FBXO28: variants seen among roughly 807,000 people sequenced by gnomAD.
FBXO28 encodes the protein F-box protein 28.
A neutral mutation model predicts 38.1 loss-of-function variants in FBXO28; 8 were observed. That is an observed-to-expected ratio of 0.21 (90% confidence interval 0.12 to 0.38). FBXO28 has a LOEUF of 0.38. FBXO28 is among the 10% of genes least tolerant of loss of function. FBXO28 has a pLI of 1.00. For synonymous variants in FBXO28, 168 were observed against 173.8 expected (o/e 0.97, Z 0.26); for missense variants, 345 against 460.6 (o/e 0.75, Z 2.30).
intron 3 of FBXO28, among the ~76,000 whole-genome samples, chr1:224,143,300 A>G (rs1002427670): frequency 1.3e-5 from 2 of 152,018 alleles, no homozygotes; most frequent in East Asian, 3.9e-4. Flanking sequence ...TGCATTCTCC[A>G]TATATCTGCA....
rs549587648 is a variant in FBXO28, at chr1:224,142,752, C to T, written c.516+8540C>T. Among the ~76,000 whole-genome samples, 6 of 152,144 alleles carry T rather than the reference C, an allele frequency of 3.9e-5. No individual in the cohort carries two copies. In the South Asian group the frequency reaches 1.0e-3, roughly 26 times the overall value. On this transcript the variant is annotated intron_variant, in intron 3 of 4. Coordinates refer to ENST00000366862, the MANE Select transcript of FBXO28 (RefSeq NM_015176.4). ...ATTGCCTGTGCTTAAGAGTTTGAAC[C>T]GGCCTGGGCAACATGGTGAAACCCT...
At chr1:224,114,627 C>A (rs1289134717) in intron 1 of FBXO28, among the ~76,000 whole-genome samples, 1 of 71,190 alleles carries the variant, frequency 1.4e-5, no homozygotes. Flanking sequence ...GGGGACTTCG[C>A]CTTGGGGGCT....
In FBXO28 at chr1:224,130,427, C is replaced by G. The variant is rs745355606; in HGVS notation, c.268-45C>G. On this transcript the variant is annotated intron_variant, in intron 1 of 4. Coordinates refer to ENST00000366862, the MANE Select transcript of FBXO28 (RefSeq NM_015176.4). ...CATCAGTTATGAGTCTCAGTTGTCTCTTATTAATTTGGTTATTGATTTTTG... is the reference window on the plus strand; with the variant it reads ...CATCAGTTATGAGTCTCAGTTGTCTGTTATTAATTTGGTTATTGATTTTTG... 4 of 1,279,460 alleles carry G rather than the reference C, an allele frequency of 3.1e-6. No individual in the cohort carries two copies. In the Admixed American group the frequency reaches 5.5e-5, roughly 17 times the overall value. The allele number at this position is 1,279,460 out of a possible 1,614,324, so 79.3% of individuals were successfully genotyped here.
Position 224,158,285 on chromosome 1 carries a change from A to G in FBXO28, c.*539A>G, listed in dbSNP as rs574118048. ...GGTAACTAAAATGGACTTCCATAGT[A>G]TTGACTGTAGAAGGAGCCTCTACAA... On this transcript the variant is annotated 3_prime_UTR_variant, in exon 5 of 5. Transcript: ENST00000366862. The G allele has an allele frequency of 1.3e-4, 118 of 903,786 alleles. No individual in the cohort carries two copies. In the African/African-American group the frequency reaches 2.1e-3, roughly 16 times the overall value. The allele number at this position is 903,786 out of a possible 1,614,324, so 56.0% of individuals were successfully genotyped here. A position where few individuals can be genotyped will look rare whatever the true frequency, so the allele number is the denominator to read the frequency against.
chr1:224,149,246 T>A (rs193013903), intron 3 of FBXO28, among the ~76,000 whole-genome samples: 4 of 151,238 alleles, frequency 2.6e-5, no homozygotes, highest in Admixed American at 6.7e-5. Flanking sequence ...CAAAACATAA[T>A]CATCTGACTT....
At position 224,159,363 on chromosome 1, in the gene FBXO28, T is replaced by C. The variant is rs1181107605; in HGVS notation, c.*1617T>C. 1.3e-5 allele frequency: 2 copies of C among 152,580 alleles called. No homozygotes were observed. Among genetic ancestry groups the C allele is most frequent in the African/African-American group, 4.8e-5 (2 of 41,420 alleles). The allele number at this position is 152,580 out of a possible 1,614,324, so 9.5% of individuals were successfully genotyped here. A position where few individuals can be genotyped will look rare whatever the true frequency, so the allele number is the denominator to read the frequency against. On this transcript the variant is annotated 3_prime_UTR_variant, in exon 5 of 5. Transcript: ENST00000366862. The stretch of plus-strand genomic sequence containing the variant: ...ATTAACCTCACCAAATGAAGCTTTT[T>C]CTATCCATTTTTAATATTGTCCTTA...
At chr1:224,146,016 A>G (rs1261284597) in intron 3 of FBXO28, among the ~76,000 whole-genome samples, 2 of 150,024 alleles carry the variant, frequency 1.3e-5, no homozygotes, top group Non-Finnish European at 3.0e-5. Flanking sequence ...CGGTGAGCTG[A>G]GATTGTGGCA....
intron 1 of FBXO28, among the ~76,000 whole-genome samples, chr1:224,125,134 G>A (rs977294018): frequency 6.7e-6 from 1 of 148,764 alleles, no homozygotes; most frequent in Non-Finnish European, 1.5e-5. Context: ...TTTCTTTTGA[G>A]AGGAGGTCTT....
rs144531532 is a variant in FBXO28, at chr1:224,154,358, T to G, written c.712+1021T>G. Among the ~76,000 whole-genome samples the G allele has an allele frequency of 5.9e-5, 9 of 152,326 alleles. No individual in the cohort carries two copies. In the East Asian group the frequency reaches 1.7e-3, roughly 29 times the overall value. On this transcript the variant is annotated intron_variant, in intron 4 of 4. Transcript: ENST00000366862. ...TTCTACTAAATGTCTATCACTTCCATACCATTGTAAAGTCAAAAAATCATT... is the reference window on the plus strand; with the variant it reads ...TTCTACTAAATGTCTATCACTTCCAGACCATTGTAAAGTCAAAAAATCATT...
At chr1:224,119,339 G>A (rs1187325401) in intron 1 of FBXO28, among the ~76,000 whole-genome samples, 2 of 150,670 alleles carry the variant, frequency 1.3e-5, no homozygotes, top group African/African-American at 2.4e-5. Context: ...GGGTTTCACC[G>A]TGTTAGCCAG....
At chr1:224,142,730 G>C (rs1657390375) in intron 3 of FBXO28, among the ~76,000 whole-genome samples, 1 of 152,056 alleles carries the variant, frequency 6.6e-6, no homozygotes, top group Non-Finnish European at 1.5e-5. Flanking sequence ...CAGGTGGATT[G>C]CCTGTGCTTA....
At chr1:224,141,672 GACTA>G (rs1657358103) in intron 3 of FBXO28, among the ~76,000 whole-genome samples, 1 of 40,326 alleles carries the variant, frequency 2.5e-5, no homozygotes. Context: ...TTACCGTACT[GACTA>G]TTGTAGGTGA....
chr1:224,130,831 T>C (rs1174344707), intron 2 of FBXO28: 1 of 377,286 alleles, frequency 2.7e-6, no homozygotes, highest in East Asian at 5.0e-5. Flanking sequence ...AAAGAAGAAA[T>C]AGAACTCTCT....
At chr1:224,147,053 A>G (rs1270332014) in intron 3 of FBXO28, among the ~76,000 whole-genome samples, 1 of 151,964 alleles carries the variant, frequency 6.6e-6, no homozygotes, top group Non-Finnish European at 1.5e-5. Context: ...CGTGGGTTCC[A>G]CATTCATGGA....
At chr1:224,138,688 A>C (rs1244628681) in intron 3 of FBXO28, among the ~76,000 whole-genome samples, 1 of 19,160 alleles carries the variant, frequency 5.2e-5, no homozygotes, top group East Asian at 1.6e-3. Context: ...AGAGATGATA[A>C]TGAAAAAACA....
At chr1:224,156,538 G>A (rs1445100389) in intron 4 of FBXO28, among the ~76,000 whole-genome samples, 1 of 152,022 alleles carries the variant, frequency 6.6e-6, no homozygotes, top group African/African-American at 2.4e-5. Context: ...TCTCTTATCC[G>A]CATACCCACA....
chr1:224,155,934 T>A (rs1657764329), intron 4 of FBXO28, among the ~76,000 whole-genome samples: 1 of 152,174 alleles, frequency 6.6e-6, no homozygotes, highest in Non-Finnish European at 1.5e-5. Context: ...CAATGTCCAA[T>A]TAAATGTCAA....
chr1:224,151,267 A>C (rs551009702), intron 3 of FBXO28, among the ~76,000 whole-genome samples: 16 of 152,262 alleles, frequency 1.1e-4, no homozygotes, highest in African/African-American at 3.6e-4. Context: ...ATTCAAAATC[A>C]CACATCTCAT....
Position 224,136,101 on chromosome 1 carries a change from G to GTTTTTTTTTTT in FBXO28, c.516+1899_516+1909dup, listed in dbSNP as rs397982996. ...TTTTGGAAACCATTTGTTGACTTCA[G>GTTTTTTTTTTT]TTTTTTTTTTTTTTTTTTTTGAGAT... On this transcript the variant is annotated intron_variant, in intron 3 of 4. Transcript: ENST00000366862. 4.0e-3 allele frequency among the ~76,000 whole-genome samples: 300 copies of GTTTTTTTTTTT among 75,128 alleles called. 72 individuals are homozygous for GTTTTTTTTTTT. The highest frequency in any genetic ancestry group is 9.8e-3 in the African/African-American group (176 of 17,990). 49.3% of individuals were successfully genotyped at this position (75,128 alleles called of 152,430 possible).
Sources: gnomAD v4.1 joint callset for allele counts (sites outside exome capture counted in the v4.1 genomes callset) on GRCh38, gnomAD v4.1.1 for gene constraint, MANE v1.5 for transcripts, NCBI Gene and HGNC (gene_info 2026-07-23, HGNC 2026-07-21) for gene names.